Variants in IQGAP2 observed in about 807,000 individuals in gnomAD.
IQGAP2 encodes the protein ras GTPase-activating-like protein IQGAP2.
IQGAP2 carries 173 observed loss-of-function variants against 201.3 expected under a neutral mutation model. That is an observed-to-expected ratio of 0.86 (90% CI 0.76 to 0.98). The LOEUF (loss-of-function observed/expected upper bound fraction) is 0.98. IQGAP2 is among the 50% of genes least tolerant of loss of function. IQGAP2 has a pLI of 0.00. For synonymous variants in IQGAP2, 675 were observed against 673.9 expected, an observed-to-expected ratio of 1.00 and a Z score of -0.03; for missense variants, 1,687 against 1,864.8, an observed-to-expected ratio of 0.90 and a Z score of 1.76.
intron 4 of IQGAP2, among the ~76,000 whole-genome samples, chr5:76,573,401 C>T (rs1164059784): frequency 1.3e-5 from 2 of 152,230 alleles, no homozygotes; most frequent in African/African-American, 2.4e-5. Context: ...AGTGCTTACT[C>T]TGTGCTCAGT....
Position 76,673,524 on chromosome 5 carries a change from T to G in IQGAP2, c.3144T>G (p.Ile1048Met), listed in dbSNP as rs781182651. The change falls in exon 25 of 36, where the codon ATT becomes ATG. Residue 1048 changes from isoleucine to methionine, a missense_variant. Ile to Met is a conservative substitution (Grantham distance 10). Transcript: ENST00000274364. Reference sequence around the variant, plus strand: ...TGAAAAATAAACTGGAGGCTTCCATTGAGAACCTGAGAAGGGTCACCGACA... The same window carrying G: ...TGAAAAATAAACTGGAGGCTTCCATGGAGAACCTGAGAAGGGTCACCGACA... ...PEVKNKLEASIENLRRVTDKV... is the reference protein window; with the variant it reads ...PEVKNKLEASMENLRRVTDKV... 66 of 1,613,452 alleles carry G rather than the reference T, an allele frequency of 4.1e-5. No homozygotes were observed. The highest frequency in any genetic ancestry group is 3.1e-5 in the Non-Finnish European group (37 of 1,179,474).
At chr5:76,618,722 C>A in intron 13 of IQGAP2, 1 of 1,205,404 alleles carries the variant, frequency 8.3e-7, no homozygotes, top group Non-Finnish European at 1.2e-6. Context: ...TAAATAATTT[C>A]TGTGATTGTA....
At position 76,678,661 on chromosome 5, in the gene IQGAP2, A is replaced by C. The variant is rs113274943; in HGVS notation, c.3660+1311A>C. Among the ~76,000 whole-genome samples the C allele has an allele frequency of 5.7e-3, 862 of 152,308 alleles. 10 individuals carry two copies. Among genetic ancestry groups the C allele is most frequent in the African/African-American group, 0.02 (813 of 41,558 alleles). ...GGATTCAGATGCACATTCAAGTTCT[A>C]GATGCTTCAGTTAAGGATGCACCCA... On this transcript the variant is annotated intron_variant, in intron 28 of 35. Transcript: ENST00000274364.
chr5:76,658,002 G>T (rs73764705), intron 20 of IQGAP2, among the ~76,000 whole-genome samples: 1 of 152,088 alleles, frequency 6.6e-6, no homozygotes, highest in African/African-American at 2.4e-5. Context: ...CCTACTTCCG[G>T]CTCCTTCCCA....
intron 2 of IQGAP2, among the ~76,000 whole-genome samples, chr5:76,481,191 T>C (rs1261933481): frequency 6.6e-6 from 1 of 152,086 alleles, no homozygotes; most frequent in Non-Finnish European, 1.5e-5. Flanking sequence ...AGCAGCCTTA[T>C]ATGGGAACTG....
At chr5:76,479,613 G>T (rs1755656518) in intron 2 of IQGAP2, among the ~76,000 whole-genome samples, 1 of 152,142 alleles carries the variant, frequency 6.6e-6, no homozygotes, top group Non-Finnish European at 1.5e-5. Flanking sequence ...GGGATAGTTT[G>T]TCTAGCAGCT....
intron 21 of IQGAP2, among the ~76,000 whole-genome samples, chr5:76,664,544 G>A (rs1417188905): frequency 6.6e-6 from 1 of 152,172 alleles, no homozygotes; most frequent in Non-Finnish European, 1.5e-5. Flanking sequence ...TTAGCCAGGT[G>A]TGGAGGCGCG....
chr5:76,436,502 TATATATATATATATA>T (rs1415670303), intron 1 of IQGAP2, among the ~76,000 whole-genome samples: 10 of 23,506 alleles, frequency 4.3e-4, no homozygotes, highest in South Asian at 3.4e-3. Flanking sequence ...TATATATATA[TATATATATATATATA>T]TTTTTTTTTT....
rs372033178 is a variant in IQGAP2, at chr5:76,658,552, C to T, written c.2414C>T (p.Ala805Val). 3 of 1,613,794 alleles carry T rather than the reference C, an allele frequency of 1.9e-6. No homozygotes were observed. The highest frequency in any genetic ancestry group is 1.3e-5 in the African/African-American group (1 of 74,892). ...DLDFQEELEV[A>V]RLREEVVTKI... ...GATTTCCAGGAGGAACTAGAGGTTGCACGATTAAGGGAAGAAGTAGTGACC... is the reference window on the plus strand; with the variant it reads ...GATTTCCAGGAGGAACTAGAGGTTGTACGATTAAGGGAAGAAGTAGTGACC... Residue 805 changes from alanine (A) to valine (V), a missense_variant, in exon 21 of 36, where the codon GCA becomes GTA. Ala to Val is a moderately conservative substitution (Grantham distance 64). Coordinates refer to ENST00000274364, the MANE Select transcript of IQGAP2 (RefSeq NM_006633.5).
intron 1 of IQGAP2, among the ~76,000 whole-genome samples, chr5:76,449,793 T>C (rs1753616770): frequency 6.6e-6 from 1 of 152,202 alleles, no homozygotes; most frequent in African/African-American, 2.4e-5. Flanking sequence ...TTTGGCTATC[T>C]CCTCTGGTCT....
At chr5:76,641,140 T>C in intron 17 of IQGAP2, 37 bp downstream of exon 17, 1 of 1,442,890 alleles carries the variant, frequency 6.9e-7, no homozygotes, top group Non-Finnish European at 9.5e-7. Flanking sequence ...CACAAAACTG[T>C]CATATCACCT....
intron 21 of IQGAP2, among the ~76,000 whole-genome samples, chr5:76,662,029 G>A (rs3797442): frequency 0.45 from 68,262 of 152,052 alleles, 15,575 homozygotes; most frequent in Middle Eastern, 0.49. Flanking sequence ...ATCAGGAAAA[G>A]TGAGTTTTGA....
intron 1 of IQGAP2, among the ~76,000 whole-genome samples, chr5:76,414,758 G>A (rs1484700707): frequency 6.6e-6 from 1 of 152,212 alleles, no homozygotes; most frequent in African/African-American, 2.4e-5. Context: ...TCTGGTGATA[G>A]TCTCAAAAGC....
At chr5:76,455,439 G>A (rs6896727) in intron 1 of IQGAP2, among the ~76,000 whole-genome samples, 37,479 of 139,688 alleles carry the variant, frequency 0.27, 5,915 homozygotes, top group African/African-American at 0.45. Flanking sequence ...GGCAACAAGA[G>A]CGAGACTCTG....
chr5:76,686,243 T>TA (rs1745727223), intron 30 of IQGAP2, among the ~76,000 whole-genome samples: 6 of 152,098 alleles, frequency 3.9e-5, no homozygotes, highest in African/African-American at 2.4e-5. Flanking sequence ...CAAATATTTT[T>TA]GCCCCTTGTG....
intron 2 of IQGAP2, among the ~76,000 whole-genome samples, chr5:76,496,752 T>TCTTTCTTTCTTTCTTTC (rs1756969036): frequency 3.0e-5 from 2 of 67,258 alleles, no homozygotes; most frequent in African/African-American, 1.7e-4. Context: ...TTTCTTTCTT[T>TCTTTCTTTCTTTCTTTC]CTTTCTTTCT....
chr5:76,612,752 G>C (rs567210628), intron 13 of IQGAP2, among the ~76,000 whole-genome samples: 83 of 152,082 alleles, frequency 5.5e-4, no homozygotes, highest in Middle Eastern at 6.8e-3. Context: ...GTATGTGTTG[G>C]GGGAGGGGCG....
intron 2 of IQGAP2, among the ~76,000 whole-genome samples, chr5:76,540,810 C>G (rs1368780100): frequency 2.6e-5 from 4 of 152,092 alleles, no homozygotes; most frequent in African/African-American, 4.8e-5. Flanking sequence ...ACATGATGGC[C>G]CCGGGGAAGA....
At position 76,501,392 on chromosome 5, in the gene IQGAP2, C is replaced by T. The variant is rs144598369; in HGVS notation, c.146+39723C>T. ...AACAGCCTGGGCAACATAGTAAGAACCCCCGGCTCTATTTTTAATTTTAAA... is the reference window on the plus strand; with the variant it reads ...AACAGCCTGGGCAACATAGTAAGAATCCCCGGCTCTATTTTTAATTTTAAA... On this transcript the variant is annotated intron_variant, in intron 2 of 35. Coordinates refer to ENST00000274364, the MANE Select transcript of IQGAP2 (RefSeq NM_006633.5). 5.9e-4 allele frequency among the ~76,000 whole-genome samples: 90 copies of T among 152,130 alleles called. 1 individual carries two copies. Among genetic ancestry groups the T allele is most frequent in the African/African-American group, 2.0e-3 (83 of 41,510 alleles).
Sources: allele counts gnomAD v4.1 joint callset (sites outside exome capture counted in the v4.1 genomes callset), GRCh38; gene constraint gnomAD v4.1.1; transcripts MANE v1.5; gene names NCBI Gene and HGNC (gene_info 2026-07-23, HGNC 2026-07-21).